The following TAF5L variants were observed in gnomAD, a reference collection of about 807,000 sequenced individuals.
TAF5L encodes TATA-box binding protein associated factor 5 like, also known as TAF5-like RNA polymerase II p300/CBP-associated factor-associated factor 65 kDa subunit 5L.
TAF5L carries 7 observed loss-of-function variants against 51.3 expected under a neutral mutation model. The observed-to-expected ratio is 0.14, with a 90% confidence interval of 0.08 to 0.26. TAF5L has a LOEUF of 0.26. TAF5L is among the 10% of genes least tolerant of loss of function. The pLI is 1.00. For synonymous variants in TAF5L, 291 were observed against 308.1 expected (o/e 0.94, Z 0.58); for missense variants, 575 against 758.9 (o/e 0.76, Z 2.85).
chr1:229,600,498 GCTCT>G (rs1158978376), intron 4 of TAF5L: 2 of 985,350 alleles, frequency 2.0e-6, no homozygotes, highest in Non-Finnish European at 2.4e-6. Context: ...CTTGATGCTT[GCTCT>G]CCCTTATCCC....
At chr1:229,606,306 G>C (rs1159114481) in intron 3 of TAF5L, 1 of 825,090 alleles carries the variant, frequency 1.2e-6, no homozygotes, top group African/African-American at 1.9e-5. Flanking sequence ...TTTACTGAAA[G>C]TGTACTCACT....
Position 229,594,597 on chromosome 1 carries a change from C to A in TAF5L, c.1470G>T (p.Gln490His). 1.2e-6 allele frequency: 2 copies of A among 1,614,196 alleles called. No homozygotes were observed. The highest frequency in any genetic ancestry group is 1.7e-6 in the Non-Finnish European group (2 of 1,180,030). The change falls in exon 5 of 5, where the codon CAG becomes CAT. Residue 490 changes from glutamine to histidine, a missense_variant. Gln to His is a conservative substitution (Grantham distance 24). Around this residue, in one of 3 missense-constraint regions of TAF5L, gnomAD observed 104 missense variants for 218.3 expected, o/e 0.48. Transcript: ENST00000258281. This position sits in a 1 kb window ranked among gnomAD's most constrained non-coding sequence, Gnocchi z 7.9. ...AGGCCAAGTCCCACAGCTTCAACCG[C>A]TGGTCCTCGCCAGCAGACGCCAAGT...
At chr1:229,617,615 A>T (rs1415874726) in intron 1 of TAF5L, among the ~76,000 whole-genome samples, 2 of 152,220 alleles carry the variant, frequency 1.3e-5, no homozygotes, top group African/African-American at 4.8e-5. Flanking sequence ...TGTGAAAGAC[A>T]TGTGAATGAC....
Position 229,594,334 on chromosome 1 carries a change from A to T in TAF5L, c.1733T>A (p.Leu578Gln), listed in dbSNP as rs1163615686. Reference sequence around the variant, plus strand: ...ATTTTCTTGTGTAATTCCAGTCACCAGAAGAAGGTTACAGGCCATGAACTG... The same window carrying T: ...ATTTTCTTGTGTAATTCCAGTCACCTGAAGAAGGTTACAGGCCATGAACTG... The change falls in exon 5 of 5, where the codon CTG (leucine) becomes CAG (glutamine). Residue 578 changes from leucine to glutamine, a missense_variant. Around this residue, in one of 3 missense-constraint regions of TAF5L, gnomAD observed 91 missense variants for 96.9 expected, o/e 0.94. Coordinates refer to ENST00000258281, the Ensembl canonical transcript of TAF5L. The surrounding 1 kb of genome is among the most constrained non-coding windows in gnomAD (Gnocchi z 7.9). The T allele has an allele frequency of 1.2e-6, 2 of 1,610,424 alleles. No individual in the cohort carries two copies. The highest frequency in any genetic ancestry group is 3.3e-5 in the Admixed American group (2 of 59,766).
At chr1:229,616,451 C>T (rs1665008928) in intron 1 of TAF5L, among the ~76,000 whole-genome samples, 1 of 151,730 alleles carries the variant, frequency 6.6e-6, no homozygotes, top group Admixed American at 6.6e-5. Flanking sequence ...AGCAATTCTC[C>T]TTCCTTAGTC....
chr1:229,612,772 G>A (rs1433007559), intron 2 of TAF5L, among the ~76,000 whole-genome samples: 1 of 152,188 alleles, frequency 6.6e-6, no homozygotes, highest in Non-Finnish European at 1.5e-5. Flanking sequence ...TGAGGTAACT[G>A]CGGCTACTAG....
At position 229,600,272 on chromosome 1, in the gene TAF5L, C is replaced by A. The variant is rs1490096093; in HGVS notation, c.972+1923G>T. The A allele has an allele frequency of 3.0e-6, 3 of 985,040 alleles. No homozygotes were observed. In the East Asian group the frequency reaches 3.4e-4, roughly 112 times the overall value. 61.0% of individuals were successfully genotyped at this position (985,040 alleles called of 1,614,324 possible). A position where few individuals can be genotyped will look rare whatever the true frequency, so the allele number is the denominator to read the frequency against. On this transcript the variant is annotated intron_variant, in intron 4 of 4. Transcript: ENST00000258281. The stretch of plus-strand genomic sequence containing the variant: ...ATGGGCGGGCATGCAGGAAGCCCCT[C>A]AACAACAGAATAGGAGAATCTCAGC...
In TAF5L at chr1:229,625,815, C is replaced by G. The variant is rs1016034489; in HGVS notation, c.-4+70G>C. ...CCGCCGAGGCCCCACCGCCCCGGCCCCCGCCCGCCCGCGCGCGCGCGCGCC... is the reference window on the plus strand; with the variant it reads ...CCGCCGAGGCCCCACCGCCCCGGCCGCCGCCCGCCCGCGCGCGCGCGCGCC... On this transcript the variant is annotated intron_variant, in intron 1 of 4. Coordinates refer to ENST00000258281, the Ensembl canonical transcript of TAF5L. The surrounding 1 kb of genome is among the most constrained non-coding windows in gnomAD (Gnocchi z 4.0). 3 of 138,224 alleles carry G rather than the reference C, an allele frequency of 2.2e-5. No homozygotes were observed. Among genetic ancestry groups the G allele is most frequent in the African/African-American group, 5.2e-5 (2 of 38,330 alleles). The allele number at this position is 138,224 out of a possible 1,614,324, so 8.6% of individuals were successfully genotyped here. A position where few individuals can be genotyped will look rare whatever the true frequency, so the allele number is the denominator to read the frequency against.
chr1:229,609,226 G>A (rs1396132547), intron 3 of TAF5L, among the ~76,000 whole-genome samples: 3 of 152,186 alleles, frequency 2.0e-5, no homozygotes, highest in Non-Finnish European at 4.4e-5. Context: ...TCTGACTCAT[G>A]ACAGTGAGAT....
chr1:229,602,535 G>A lies in TAF5L; in HGVS notation c.632C>T (p.Ala211Val). 1 of 1,614,190 alleles carries A rather than the reference G, an allele frequency of 6.2e-7. No individual in the cohort carries two copies. Among genetic ancestry groups the A allele is most frequent in the Non-Finnish European group, 8.5e-7 (1 of 1,180,036 alleles). ...CTCACTGCGGGAGGAGCTGCCACTG[G>A]CATACAGCTGATAGTCTGTTCTCTT... Residue 211 changes from alanine to valine, a missense_variant, in exon 4 of 5, where the codon GCC becomes GTC. By Grantham distance (64) the Ala-to-Val change is moderately conservative. Transcript: ENST00000258281. The surrounding 1 kb of genome is among the most constrained non-coding windows in gnomAD (Gnocchi z 4.6).
chr1:229,618,122 G>C (rs1376225153), intron 1 of TAF5L, among the ~76,000 whole-genome samples: 1 of 152,070 alleles, frequency 6.6e-6, no homozygotes, highest in East Asian at 1.9e-4. Flanking sequence ...TATCCAAAAA[G>C]GGACAAGTGA....
At chr1:229,608,697 C>G (rs1664683453) in intron 3 of TAF5L, among the ~76,000 whole-genome samples, 1 of 152,154 alleles carries the variant, frequency 6.6e-6, no homozygotes, top group South Asian at 2.1e-4. Flanking sequence ...GGTGGGGAAG[C>G]TGGTTTAGAA....
At position 229,602,293 on chromosome 1, in the gene TAF5L, T is replaced by C; in HGVS notation, c.874A>G (p.Ile292Val). The change falls in exon 4 of 5, where the codon ATA becomes GTA. Residue 292 changes from isoleucine (I) to valine (V), a missense_variant. Coordinates refer to ENST00000258281, the Ensembl canonical transcript of TAF5L. The surrounding 1 kb of genome is among the most constrained non-coding windows in gnomAD (Gnocchi z 4.6). ...TTGGATCGTAAACTCCAAAGTTTTA[T>C]ACAGGAGTTGTCAAACCCAGCAGCA... 6.2e-7 allele frequency: 1 copy of C among 1,614,188 alleles called. No homozygotes were observed. The highest frequency in any genetic ancestry group is 8.5e-7 in the Non-Finnish European group (1 of 1,180,032).
intron 3 of TAF5L, among the ~76,000 whole-genome samples, chr1:229,605,133 T>G (rs1357724524): frequency 2.6e-5 from 4 of 151,720 alleles, no homozygotes; most frequent in African/African-American, 9.7e-5. Flanking sequence ...TATGTATTTT[T>G]TTTTTAGTAG....
exon 2 of TAF5L, chr1:229,614,472 A>C (rs762906515): frequency 6.2e-7 from 1 of 1,614,062 alleles, no homozygotes; most frequent in Non-Finnish European, 8.5e-7. Flanking sequence ...CTCGGTACGC[A>C]CTCGTTTCAT....
At chr1:229,606,891 T>G (rs1021408744) in intron 3 of TAF5L, 1 of 985,238 alleles carries the variant, frequency 1.0e-6, no homozygotes, top group African/African-American at 1.7e-5. Context: ...GGAGGAAAAA[T>G]ACATTCAGGT....
exon 5 of TAF5L, chr1:229,593,352 C>T (rs999172083): frequency 2.0e-5 from 3 of 152,156 alleles, no homozygotes; most frequent in South Asian, 2.1e-4. Context: ...AAAAGCCACA[C>T]CTCTGAATGG....
Position 229,613,428 on chromosome 1 carries a change from C to G in TAF5L, c.142+913G>C, listed in dbSNP as rs543047971. Among the ~76,000 whole-genome samples the G allele has an allele frequency of 5.5e-4, 84 of 151,610 alleles. 3 individuals are homozygous for G. In the South Asian group the frequency reaches 0.017, roughly 31 times the overall value. ...GAACTCACAAAATAGCTAACAATTA[C>G]AGTCGGCCCTCTGTATCTGTGGGTT... On this transcript the variant is annotated intron_variant, in intron 2 of 4. Transcript: ENST00000258281.
rs1317198956 is a variant in TAF5L, at chr1:229,625,079, G to C, written c.-4+806C>G. On this transcript the variant is annotated intron_variant, in intron 1 of 4. Transcript: ENST00000258281. This position sits in a 1 kb window ranked among gnomAD's most constrained non-coding sequence, Gnocchi z 4.0. ...TACCTTCTGATCCCAGAACCACAAA[G>C]ACTGCGAGATCCGCATTACAACGAC... Among the ~76,000 whole-genome samples, 1 of 152,176 alleles carries C rather than the reference G, an allele frequency of 6.6e-6. No homozygotes were observed. Among genetic ancestry groups the C allele is most frequent in the Non-Finnish European group, 1.5e-5 (1 of 68,032 alleles).
Sources: allele counts gnomAD v4.1 joint callset (sites outside exome capture counted in the v4.1 genomes callset), GRCh38; gene constraint gnomAD v4.1.1; regional missense constraint gnomAD v4.1.1; non-coding constraint Gnocchi (gnomAD v3.1); transcripts MANE v1.5; gene names NCBI Gene and HGNC (gene_info 2026-07-23, HGNC 2026-07-21).